The following KATNAL1 variants were observed in gnomAD, a reference collection of about 807,000 sequenced individuals.
KATNAL1 encodes the protein katanin catalytic subunit A1 like 1.
In KATNAL1, 32 loss-of-function variants were observed where a neutral mutation model predicts 55.2. The observed-to-expected ratio is 0.58, with a 90% CI of 0.44 to 0.78. KATNAL1 has a LOEUF of 0.78. Among genes scored for constraint, KATNAL1 ranks in the 30% least tolerant of loss-of-function variants. The pLI is 0.00. For missense variants in KATNAL1, 466 were observed against 600.9 expected (o/e 0.78, Z 2.35); for synonymous variants, 193 against 193.6 (o/e 1.00, Z 0.02).
At chr13:30,290,370 CTA>C (rs1882056702) in intron 1 of KATNAL1, among the ~76,000 whole-genome samples, 3 of 151,694 alleles carry the variant, frequency 2.0e-5, no homozygotes, top group Admixed American at 6.6e-5. Flanking sequence ...TGAAGGAGGG[CTA>C]TCACTACAAA....
intron 9 of KATNAL1, among the ~76,000 whole-genome samples, chr13:30,216,766 A>G (rs921108950): frequency 1.3e-5 from 2 of 152,248 alleles, no homozygotes; most frequent in Non-Finnish European, 2.9e-5. Context: ...ATGTCCAGGT[A>G]AGAACTGATG....
chr13:30,204,625 C>T lies in KATNAL1; in HGVS notation c.*3915G>A, dbSNP rs1872946033. 3 of 152,186 alleles carry T rather than the reference C, an allele frequency of 2.0e-5. No individual in the cohort carries two copies. The highest frequency in any genetic ancestry group is 1.3e-4 in the Admixed American group (2 of 15,274). 9.4% of individuals were successfully genotyped at this position (152,186 alleles called of 1,614,324 possible). A position where few individuals can be genotyped will look rare whatever the true frequency, so the allele number is the denominator to read the frequency against. The stretch of plus-strand genomic sequence containing the variant: ...TATACAAAACAAAGTCAAAGAATGA[C>T]AATCATACTGTAAATTTGGGTTGTA... On this transcript the variant is annotated 3_prime_UTR_variant, in exon 11 of 11. Coordinates refer to ENST00000380615, the MANE Select transcript of KATNAL1 (RefSeq NM_032116.5).
rs1020224415 is a variant in KATNAL1 at position 30,260,356 on chromosome 13, C to G, written c.324-4741G>C. On this transcript the variant is annotated intron_variant, in intron 3 of 10. Transcript: ENST00000380615. ...GGAATGCAGTTCCTCACCAGCAACG[C>G]AACAAAGCTGGACGGAGAATGACTT... is the stretch of plus-strand genomic sequence containing the variant. Among the ~76,000 whole-genome samples the G allele has an allele frequency of 1.1e-4, 16 of 152,308 alleles. No homozygotes were observed. The East Asian group carries it at 2.5e-3, about 24-fold the overall frequency.
intron 3 of KATNAL1, among the ~76,000 whole-genome samples, chr13:30,259,123 A>G (rs1000101530): frequency 3.3e-5 from 5 of 152,174 alleles, no homozygotes; most frequent in Non-Finnish European, 2.9e-5. Context: ...GCAGATCACT[A>G]CAGGTCAGGA....
intron 9 of KATNAL1, among the ~76,000 whole-genome samples, chr13:30,223,551 A>T (rs1238804695): frequency 6.6e-6 from 1 of 151,992 alleles, no homozygotes; most frequent in Non-Finnish European, 1.5e-5. Flanking sequence ...GAAAAGAAAG[A>T]CGGTAAGGCT....
chr13:30,274,907 G>GCGCGCGCGCGCGCGCGCACACA (rs869107567), intron 3 of KATNAL1, among the ~76,000 whole-genome samples: 4 of 105,390 alleles, frequency 3.8e-5, no homozygotes, highest in Non-Finnish European at 7.7e-5. Flanking sequence ...GCGCGCGCGC[G>GCGCGCGCGCGCGCGCGCACACA]CACACACACA....
intron 9 of KATNAL1, among the ~76,000 whole-genome samples, chr13:30,224,698 T>A (rs1246024517): frequency 6.6e-6 from 1 of 152,030 alleles, no homozygotes; most frequent in Non-Finnish European, 1.5e-5. Flanking sequence ...AAGCAAAAAT[T>A]TGGTTATTTG....
chr13:30,276,977 T>C (rs1408423458), intron 3 of KATNAL1, among the ~76,000 whole-genome samples: 1 of 152,218 alleles, frequency 6.6e-6, no homozygotes, highest in African/African-American at 2.4e-5. Context: ...CTAAACTTCA[T>C]GGGATCACTT....
chr13:30,274,893 GCGCGCGCGCGCGCGCACACACACACACA>G (rs1880668497), intron 3 of KATNAL1, among the ~76,000 whole-genome samples: 28 of 100,904 alleles, frequency 2.8e-4, no homozygotes, highest in Non-Finnish European at 1.2e-4. Context: ...ACACACATAC[GCGCGCGCGCGCGCGCACACACACACACA>G]CACACACACA....
chr13:30,268,580 G>A (rs1381550348), intron 3 of KATNAL1, among the ~76,000 whole-genome samples: 1 of 151,922 alleles, frequency 6.6e-6, no homozygotes, highest in African/African-American at 2.4e-5. Context: ...CAAGCCAGAA[G>A]ACAAAATACT....
At chr13:30,238,041 CGTGCTCTTTGCCTCCCGTCTTTCT>C (rs1007339726) in intron 6 of KATNAL1, among the ~76,000 whole-genome samples, 6 of 152,166 alleles carry the variant, frequency 3.9e-5, no homozygotes, top group Non-Finnish European at 7.3e-5. Flanking sequence ...CACTTCTGAA[CGTGCTCTTTGCCTCCCGTCTTTCT>C]GTGCTCATTG....
chr13:30,299,716 A>G (rs1882745029), intron 1 of KATNAL1, among the ~76,000 whole-genome samples: 1 of 152,194 alleles, frequency 6.6e-6, no homozygotes, highest in African/African-American at 2.4e-5. Flanking sequence ...ATCTTCTTAC[A>G]GTATTTACTG....
At chr13:30,267,482 AATTAT>A (rs1435102333) in intron 3 of KATNAL1, among the ~76,000 whole-genome samples, 2 of 152,224 alleles carry the variant, frequency 1.3e-5, no homozygotes, top group African/African-American at 4.8e-5. Flanking sequence ...CATATTTTAC[AATTAT>A]ACTAGACATC....
chr13:30,263,626 T>C (rs1051555622), intron 3 of KATNAL1, among the ~76,000 whole-genome samples: 6 of 151,968 alleles, frequency 3.9e-5, no homozygotes, highest in African/African-American at 7.3e-5. Context: ...CCATTCACAA[T>C]TGCTTCAAAG....
rs1463210430 is a variant in KATNAL1, at chr13:30,205,750, CTGT to C, written c.*2787_*2789del. On this transcript the variant is annotated 3_prime_UTR_variant, in exon 11 of 11. Transcript: ENST00000380615. ...AACACACTGTCTTCTGCAATAAAGA[CTGT>C]GTGTGTGTGTGTGTGTGTGTGTGTG... The C allele has an allele frequency of 7.3e-6, 1 of 137,402 alleles. No homozygotes were observed. The highest frequency in any genetic ancestry group is 2.8e-5 in the African/African-American group (1 of 35,838). 8.5% of individuals were successfully genotyped at this position (137,402 alleles called of 1,614,324 possible).
Position 30,240,935 on chromosome 13 carries a change from T to C in KATNAL1, c.620+24A>G, listed in dbSNP as rs1877210682. Reference sequence around the variant, plus strand: ...TAATTTGTGTTCTCCTCTACTTTAATTCAATAATTTGAAAGACTCTAACCA... The same window carrying C: ...TAATTTGTGTTCTCCTCTACTTTAACTCAATAATTTGAAAGACTCTAACCA... On this transcript the variant is annotated intron_variant, in intron 5 of 10. Coordinates refer to ENST00000380615, the MANE Select transcript of KATNAL1 (RefSeq NM_032116.5). 6 of 1,600,164 alleles carry C rather than the reference T, an allele frequency of 3.7e-6. No individual in the cohort carries two copies. In the African/African-American group the frequency reaches 5.4e-5, roughly 14 times the overall value.
At chr13:30,289,723 G>A (rs886692113) in intron 1 of KATNAL1, among the ~76,000 whole-genome samples, 2 of 151,854 alleles carry the variant, frequency 1.3e-5, no homozygotes, top group Non-Finnish European at 2.9e-5. Context: ...ATCTTTTCTT[G>A]TTTTGACATG....
At chr13:30,264,937 G>A (rs1328226549) in intron 3 of KATNAL1, among the ~76,000 whole-genome samples, 6 of 145,324 alleles carry the variant, frequency 4.1e-5, no homozygotes, top group East Asian at 2.0e-4. Context: ...TGTTTATTGC[G>A]GCATTATTCA....
intron 4 of KATNAL1, among the ~76,000 whole-genome samples, chr13:30,254,780 T>G (rs1179139888): frequency 6.6e-6 from 1 of 152,096 alleles, no homozygotes; most frequent in Non-Finnish European, 1.5e-5. Context: ...ACTTAAAAAT[T>G]TTTCTCTTTT....
Sources: gnomAD v4.1 joint callset for allele counts (sites outside exome capture counted in the v4.1 genomes callset) on GRCh38, gnomAD v4.1.1 for gene constraint, MANE v1.5 for transcripts, NCBI Gene and HGNC (gene_info 2026-07-23, HGNC 2026-07-21) for gene names.